Variants in C8orf34 observed in about 807,000 individuals in gnomAD.
The protein encoded by C8orf34 is chromosome 8 open reading frame 34.
Under a neutral mutation model 68.3 loss-of-function variants are expected in C8orf34, and 65 were observed. The observed-to-expected ratio is 0.95, with a 90% CI of 0.78 to 1.17. The LOEUF (loss-of-function observed/expected upper bound fraction) is 1.17. C8orf34 is among the 50% of genes most tolerant of loss of function. The probability of loss-of-function intolerance (pLI) is 0.00; values close to 1 mark genes in which losing one functional copy is unlikely to be tolerated. For synonymous variants in C8orf34, 244 were observed against 241.2 expected (o/e 1.01, Z -0.11); for missense variants, 664 against 655.4 (o/e 1.01, Z -0.14).
At chr8:68,807,473 A>G (rs529466178) in intron 12 of C8orf34, among the ~76,000 whole-genome samples, 6 of 152,108 alleles carry the variant, frequency 3.9e-5, no homozygotes, top group African/African-American at 1.4e-4. Context: ...GTTTTTTTAT[A>G]TTTTGGCATT....
At chr8:68,750,483 A>T (rs952736780) in intron 10 of C8orf34, among the ~76,000 whole-genome samples, 1 of 152,054 alleles carries the variant, frequency 6.6e-6, no homozygotes, top group Non-Finnish European at 1.5e-5. Flanking sequence ...TATTTAATGG[A>T]TTTGAGGTTT....
chr8:68,537,602 A>T (rs897060454), intron 7 of C8orf34, among the ~76,000 whole-genome samples: 6 of 152,044 alleles, frequency 3.9e-5, no homozygotes, highest in African/African-American at 1.4e-4. Context: ...CATAAATTAT[A>T]AAGTAATTCT....
intron 7 of C8orf34, among the ~76,000 whole-genome samples, chr8:68,560,161 A>G (rs1400860857): frequency 6.6e-6 from 1 of 151,074 alleles, no homozygotes; most frequent in African/African-American, 2.4e-5. Flanking sequence ...TTTTTTTTGA[A>G]TGAAACAGTG....
chr8:68,673,274 T>C (rs1002099354), intron 8 of C8orf34, among the ~76,000 whole-genome samples: 1 of 151,812 alleles, frequency 6.6e-6, no homozygotes, highest in African/African-American at 2.4e-5. Context: ...GTTTTTCAGC[T>C]TAAGTACCAG....
intron 7 of C8orf34, among the ~76,000 whole-genome samples, chr8:68,614,161 T>C (rs1307760808): frequency 1.3e-5 from 2 of 152,146 alleles, no homozygotes; most frequent in East Asian, 1.9e-4. Flanking sequence ...GTAAATTTGT[T>C]TGAGTTCATT....
At chr8:68,522,035 C>G in intron 6 of C8orf34, 64 bp downstream of exon 6, 1 of 1,418,198 alleles carries the variant, frequency 7.1e-7, no homozygotes. Flanking sequence ...GGAAAATAAA[C>G]CCAAGTTCAT....
intron 7 of C8orf34, among the ~76,000 whole-genome samples, chr8:68,549,402 A>G (rs1326683803): frequency 6.6e-6 from 1 of 151,818 alleles, no homozygotes; most frequent in African/African-American, 2.4e-5. Flanking sequence ...AAAATAATCT[A>G]TAGTGATAGA....
chr8:68,545,538 A>G (rs936333122), intron 7 of C8orf34, among the ~76,000 whole-genome samples: 1 of 152,170 alleles, frequency 6.6e-6, no homozygotes, highest in Non-Finnish European at 1.5e-5. Flanking sequence ...ATGAAATATC[A>G]GCTGATACTT....
At chr8:68,592,522 AT>A (rs1328434032) in intron 7 of C8orf34, among the ~76,000 whole-genome samples, 1 of 149,150 alleles carries the variant, frequency 6.7e-6, no homozygotes, top group Non-Finnish European at 1.5e-5. Context: ...ATTTATTCTA[AT>A]TTTGTGTTAC....
chr8:68,726,061 G>A (rs1585787248), intron 10 of C8orf34, among the ~76,000 whole-genome samples: 3 of 151,846 alleles, frequency 2.0e-5, no homozygotes, highest in Non-Finnish European at 4.4e-5. Context: ...GGCGCACGCC[G>A]CCACACCCAG....
intron 3 of C8orf34, among the ~76,000 whole-genome samples, chr8:68,452,351 T>C (rs912477033): frequency 6.6e-6 from 1 of 151,736 alleles, no homozygotes; most frequent in Non-Finnish European, 1.5e-5. Context: ...AGCTGCACCA[T>C]TTCACATGCT....
chr8:68,377,471 G>A (rs1426878845), intron 1 of C8orf34, among the ~76,000 whole-genome samples: 1 of 152,090 alleles, frequency 6.6e-6, no homozygotes, highest in Non-Finnish European at 1.5e-5. Context: ...GAAGAAAAGG[G>A]AATTGTGGTA....
At chr8:68,678,226 C>T (rs1820252887) in intron 8 of C8orf34, among the ~76,000 whole-genome samples, 2 of 152,042 alleles carry the variant, frequency 1.3e-5, no homozygotes, top group Non-Finnish European at 2.9e-5. Flanking sequence ...GTCCATATTA[C>T]CCTGAAACCC....
intron 1 of C8orf34, among the ~76,000 whole-genome samples, chr8:68,380,418 CTG>C (rs2129620174): frequency 6.6e-6 from 1 of 152,306 alleles, no homozygotes; most frequent in South Asian, 2.1e-4. Context: ...TTAATTGTCA[CTG>C]TGGAAATTAC....
chr8:68,490,526 A>G (rs1813267307), intron 5 of C8orf34, among the ~76,000 whole-genome samples: 1 of 152,154 alleles, frequency 6.6e-6, no homozygotes, highest in Admixed American at 6.6e-5. Flanking sequence ...GCTCAGGGGA[A>G]TATCCATTTA....
At chr8:68,381,428 A>G (rs1190570363) in intron 1 of C8orf34, among the ~76,000 whole-genome samples, 2 of 152,214 alleles carry the variant, frequency 1.3e-5, no homozygotes, top group Non-Finnish European at 2.9e-5. Context: ...TACAACACAC[A>G]TCATTTAAAA....
chr8:68,641,585 C>T (rs1819012407), intron 8 of C8orf34, among the ~76,000 whole-genome samples: 1 of 152,138 alleles, frequency 6.6e-6, no homozygotes, highest in Admixed American at 6.5e-5. Flanking sequence ...TGAACACAGT[C>T]ATCAGTGGAA....
intron 6 of C8orf34, among the ~76,000 whole-genome samples, chr8:68,528,513 G>A (rs530293879): frequency 6.6e-6 from 1 of 152,014 alleles, no homozygotes; most frequent in African/African-American, 2.4e-5. Context: ...CAAGTCTTCT[G>A]CTCCTCTTTT....
upstream of C8orf34, chr8:68,330,896 C>A: frequency 1.1e-6 from 1 of 870,322 alleles, no homozygotes; most frequent in Non-Finnish European, 1.6e-6. Flanking sequence ...CGCCTCCCGC[C>A]CCCTGATTCC....
Sources: gnomAD v4.1 joint callset for allele counts (sites outside exome capture counted in the v4.1 genomes callset) on GRCh38, gnomAD v4.1.1 for gene constraint, MANE v1.5 for transcripts, NCBI Gene and HGNC (gene_info 2026-07-23, HGNC 2026-07-21) for gene names.